The following NELL2 variants were observed in gnomAD, a reference collection of about 807,000 sequenced individuals.
NELL2 encodes the protein protein kinase C-binding protein NELL2.
NELL2 carries 41 observed loss-of-function variants against 109.6 expected under a neutral mutation model. The ratio of observed to expected loss-of-function variants is 0.37; its 90% confidence interval spans 0.29 to 0.49. The LOEUF (loss-of-function observed/expected upper bound fraction) is 0.49. Ranked by LOEUF, NELL2 falls within the 20% of genes least tolerant of loss-of-function variation. The pLI is 0.98. For synonymous variants in NELL2, 355 were observed against 344.7 expected (o/e 1.03, Z -0.33); for missense variants, 900 against 1,008.3 (o/e 0.89, Z 1.45).
chr12:44,561,958 G>T lies in NELL2; in HGVS notation c.1664-29237C>A, dbSNP rs183029453. Among the ~76,000 whole-genome samples, 9 of 152,268 alleles carry T rather than the reference G, an allele frequency of 5.9e-5. No individual in the cohort carries two copies. The East Asian group carries it at 1.7e-3, about 29-fold the overall frequency. On this transcript the variant is annotated intron_variant, in intron 15 of 19. Coordinates refer to ENST00000429094, the MANE Select transcript of NELL2 (RefSeq NM_001145108.2). ...CAGTAACCAAAACAGCATGAGACTT[G>T]TACCAAAACAGATATATAGACCAAT...
intron 16 of NELL2, among the ~76,000 whole-genome samples, chr12:44,527,060 G>A (rs1394637454): frequency 2.8e-4 from 42 of 152,114 alleles, no homozygotes; most frequent in Admixed American, 2.6e-3. Context: ...CAAATACTAG[G>A]TACTCTGAGA....
chr12:44,765,170 T>C (rs944844756), intron 9 of NELL2, among the ~76,000 whole-genome samples: 2 of 152,238 alleles, frequency 1.3e-5, no homozygotes, highest in Non-Finnish European at 2.9e-5. Flanking sequence ...TTATGAATCA[T>C]TGAGGTCATC....
At chr12:44,645,094 G>A (rs1360480500) in intron 13 of NELL2, among the ~76,000 whole-genome samples, 10 of 152,116 alleles carry the variant, frequency 6.6e-5, no homozygotes, top group South Asian at 4.2e-4. Context: ...GAAAATTCAC[G>A]AAGAAAAAAG....
chr12:44,570,668 T>A (rs1943833388), intron 15 of NELL2, among the ~76,000 whole-genome samples: 2 of 152,180 alleles, frequency 1.3e-5, no homozygotes, highest in African/African-American at 4.8e-5. Flanking sequence ...GCTCAAAGAC[T>A]TATATCCTGA....
At chr12:44,906,373 T>G (rs561533133) in intron 1 of NELL2, among the ~76,000 whole-genome samples, 29 of 152,228 alleles carry the variant, frequency 1.9e-4, no homozygotes, top group African/African-American at 7.0e-4. Context: ...AGAAGAACTT[T>G]AAACACATAA....
intron 15 of NELL2, among the ~76,000 whole-genome samples, chr12:44,553,646 G>A (rs944476244): frequency 1.3e-5 from 2 of 152,112 alleles, no homozygotes; most frequent in Non-Finnish European, 2.9e-5. Context: ...CAATTACCCT[G>A]ATTTGATCAG....
At chr12:44,646,571 G>T (rs1947103094) in intron 13 of NELL2, among the ~76,000 whole-genome samples, 1 of 152,202 alleles carries the variant, frequency 6.6e-6, no homozygotes, top group Admixed American at 6.5e-5. Context: ...TCAAAGTTAT[G>T]TGAGTGTGCT....
intron 15 of NELL2, among the ~76,000 whole-genome samples, chr12:44,555,999 G>A (rs1243644653): frequency 1.3e-5 from 2 of 152,156 alleles, no homozygotes; most frequent in Non-Finnish European, 2.9e-5. Context: ...GTCGAGCACA[G>A]CAGTTAGAAA....
chr12:44,880,056 T>C (rs1945393162), upstream of NELL2, among the ~76,000 whole-genome samples: 1 of 151,320 alleles, frequency 6.6e-6, no homozygotes, highest in South Asian at 2.1e-4. Context: ...TAATAATAAT[T>C]GTCATTGTTA....
At chr12:44,519,488 A>G (rs1217744394) in intron 19 of NELL2, among the ~76,000 whole-genome samples, 1 of 152,318 alleles carries the variant, frequency 6.6e-6, no homozygotes, top group Non-Finnish European at 1.5e-5. Flanking sequence ...AAAATATGGT[A>G]AAAAACAGAT....
intron 9 of NELL2, among the ~76,000 whole-genome samples, chr12:44,738,121 C>T: frequency 6.6e-6 from 1 of 152,292 alleles, no homozygotes; most frequent in East Asian, 1.9e-4. Flanking sequence ...GAACATATCT[C>T]TAACACGGCA....
At position 44,779,923 on chromosome 12, in the gene NELL2, CA is replaced by C; in HGVS notation, c.434del (p.Leu145TrpfsTer11). ...AGAGCTTGTGCCACTTGTCATCAGCCAAAATGTAAGGAAACACTTCTGTGTG... is the reference window on the plus strand; with the variant it reads ...AGAGCTTGTGCCACTTGTCATCAGCCAAATGTAAGGAAACACTTCTGTGTG... ...RPHTEVFPYI[L>X]ADDKWHKLSL... On this transcript the variant is annotated frameshift_variant, in exon 4 of 20. Coordinates refer to ENST00000429094, the MANE Select transcript of NELL2 (RefSeq NM_001145108.2). LOFTEE classifies it high-confidence loss of function. 6.2e-7 allele frequency: 1 copy of C among 1,613,862 alleles called. No individual in the cohort carries two copies. The highest frequency in any genetic ancestry group is 8.5e-7 in the Non-Finnish European group (1 of 1,179,816).
chr12:44,689,104 T>C (rs1948821092), intron 12 of NELL2, among the ~76,000 whole-genome samples: 1 of 152,220 alleles, frequency 6.6e-6, no homozygotes, highest in Admixed American at 6.5e-5. Flanking sequence ...CAATTACTTC[T>C]GAGTGCACTC....
At chr12:44,790,393 G>A (rs950777115) in intron 3 of NELL2, among the ~76,000 whole-genome samples, 5 of 152,034 alleles carry the variant, frequency 3.3e-5, no homozygotes, top group Non-Finnish European at 7.4e-5. Flanking sequence ...ATACATGAAG[G>A]AAAGATACAG....
chr12:44,811,876 T>C (rs1943190480), intron 3 of NELL2, among the ~76,000 whole-genome samples: 1 of 152,108 alleles, frequency 6.6e-6, no homozygotes, highest in African/African-American at 2.4e-5. Flanking sequence ...CACAGAGGGA[T>C]AGCTCAAGCT....
At chr12:44,724,287 G>C (rs1938952750) in intron 9 of NELL2, among the ~76,000 whole-genome samples, 1 of 151,060 alleles carries the variant, frequency 6.6e-6, no homozygotes, top group Non-Finnish European at 1.5e-5. Context: ...ACCACCTGTT[G>C]GGTACTATGT....
At chr12:44,568,091 CA>C (rs1404781204) in intron 15 of NELL2, among the ~76,000 whole-genome samples, 2 of 151,774 alleles carry the variant, frequency 1.3e-5, no homozygotes, top group Non-Finnish European at 2.9e-5. Flanking sequence ...GTCTGATTAG[CA>C]AGCCTAAAAT....
chr12:44,848,510 CACAG>C (rs1341686318), intron 2 of NELL2, among the ~76,000 whole-genome samples: 1 of 152,154 alleles, frequency 6.6e-6, no homozygotes, highest in Non-Finnish European at 1.5e-5. Flanking sequence ...CAGAGCAACA[CACAG>C]ACAAACACAG....
At chr12:44,877,277 A>C (rs556925806), upstream of NELL2, among the ~76,000 whole-genome samples, 3 of 152,272 alleles carry the variant, frequency 2.0e-5, no homozygotes, top group South Asian at 2.1e-4. Context: ...CCTTCACCAC[A>C]TATGTCCGGG....
Sources: allele counts gnomAD v4.1 joint callset (sites outside exome capture counted in the v4.1 genomes callset), GRCh38; gene constraint gnomAD v4.1.1; transcripts MANE v1.5; gene names NCBI Gene and HGNC (gene_info 2026-07-23, HGNC 2026-07-21).